Variants in GPHN observed in about 807,000 individuals in gnomAD.
GPHN encodes gephyrin.
A neutral mutation model predicts 95.5 loss-of-function variants in GPHN; 17 were observed. The observed-to-expected ratio is 0.18, with a 90% CI of 0.12 to 0.27. The LOEUF is 0.27. Ranked by LOEUF, GPHN falls within the 10% of genes least tolerant of loss-of-function variation. The probability of loss-of-function intolerance (pLI) is 1.00; values close to 1 mark genes in which losing one functional copy is unlikely to be tolerated. For synonymous variants in GPHN, 320 were observed against 322.5 expected (o/e 0.99, Z 0.08); for missense variants, 660 against 978.1 (o/e 0.67, Z 4.34).
chr14:66,801,985 C>T (rs1428851059), intron 3 of GPHN, among the ~76,000 whole-genome samples: 3 of 152,162 alleles, frequency 2.0e-5, no homozygotes, highest in African/African-American at 7.2e-5. Context: ...TGTGTTCACT[C>T]AAAGTCCTGC....
At chr14:67,365,343 A>T in the GPHN span, among the ~76,000 whole-genome samples, 2 of 152,248 alleles carry the variant, frequency 1.3e-5, no homozygotes, top group African/African-American at 4.8e-5. Flanking sequence ...AGGCCTGAAT[A>T]TGTTGGATGC....
chr14:67,668,339 T>C, the GPHN span, among the ~76,000 whole-genome samples: 1 of 152,312 alleles, frequency 6.6e-6, no homozygotes, highest in South Asian at 2.1e-4. Flanking sequence ...TTTAATGAAA[T>C]ATTAAATGGA....
chr14:67,558,316 G>A, the GPHN span, among the ~76,000 whole-genome samples: 3 of 152,148 alleles, frequency 2.0e-5, no homozygotes, highest in Admixed American at 6.5e-5. Flanking sequence ...AGGAGAAGCC[G>A]ATCCTGGTGG....
intron 1 of GPHN, among the ~76,000 whole-genome samples, chr14:66,552,504 C>T (rs1364712578): frequency 6.6e-6 from 1 of 152,000 alleles, no homozygotes; most frequent in Admixed American, 6.5e-5. Flanking sequence ...ATTTATTTAC[C>T]ATTTCTGAAG....
At chr14:67,584,366 C>A in the GPHN span, among the ~76,000 whole-genome samples, 6 of 151,988 alleles carry the variant, frequency 3.9e-5, no homozygotes, top group Non-Finnish European at 5.9e-5. Flanking sequence ...TTCACACACA[C>A]AAAGATTCAG....
the GPHN span, among the ~76,000 whole-genome samples, chr14:67,231,986 A>G: frequency 6.6e-6 from 1 of 151,520 alleles, no homozygotes; most frequent in Non-Finnish European, 1.5e-5. Flanking sequence ...AAAAAAAAAA[A>G]TTAACATGAT....
chr14:67,281,733 T>C, the GPHN span, among the ~76,000 whole-genome samples: 1 of 152,160 alleles, frequency 6.6e-6, no homozygotes, highest in African/African-American at 2.4e-5. Context: ...CCGGATTCAC[T>C]TAGTAAGAGA....
the GPHN span, among the ~76,000 whole-genome samples, chr14:67,382,131 C>A: frequency 0.03 from 4,601 of 151,982 alleles, 87 homozygotes; most frequent in Non-Finnish European, 0.036. Flanking sequence ...ACAAATTATC[C>A]ATTATACTGA....
At chr14:67,600,238 C>G in the GPHN span, 1 of 1,507,430 alleles carries the variant, frequency 6.6e-7, no homozygotes, top group South Asian at 1.3e-5. Flanking sequence ...CCGCGCGGCG[C>G]TGCACTGCGC....
At chr14:67,674,086 C>T in the GPHN span, among the ~76,000 whole-genome samples, 1 of 152,254 alleles carries the variant, frequency 6.6e-6, no homozygotes, top group Non-Finnish European at 1.5e-5. Context: ...ACCCACTCTA[C>T]ATTACAGGAC....
chr14:66,878,338 A>C (rs1202433966), intron 4 of GPHN, among the ~76,000 whole-genome samples: 1 of 152,152 alleles, frequency 6.6e-6, no homozygotes, highest in African/African-American at 2.4e-5. Flanking sequence ...ACAAAAAGCA[A>C]TTGCAACAAA....
At chr14:67,692,868 G>T in the GPHN span, 1 of 1,139,514 alleles carries the variant, frequency 8.8e-7, no homozygotes, top group Non-Finnish European at 1.3e-6. Flanking sequence ...CAATGAGAAT[G>T]AATCATCATT....
At chr14:67,198,414 G>C in the GPHN span, 1 of 1,216,424 alleles carries the variant, frequency 8.2e-7, no homozygotes, top group South Asian at 1.4e-5. Flanking sequence ...TGTTTTAAAT[G>C]TGCCGAGGGA....
rs1237791469 is a variant in GPHN at position 67,144,318 on chromosome 14, C to G, written c.1836+869C>G. Among the ~76,000 whole-genome samples, 5 of 128,368 alleles carry G rather than the reference C, an allele frequency of 3.9e-5. No homozygotes were observed. In the Admixed American group the frequency reaches 4.3e-4, roughly 11 times the overall value. 84.2% of individuals were successfully genotyped at this position (128,368 alleles called of 152,430 possible). The stretch of plus-strand genomic sequence containing the variant: ...ACACATACACAAATATTTTATAGGA[C>G]TAAGTGTATTTGTAGATGGTATATA... On this transcript the variant is annotated intron_variant, in intron 18 of 22. Transcript: ENST00000478722.
the GPHN span, among the ~76,000 whole-genome samples, chr14:67,596,076 A>G: frequency 1.3e-5 from 2 of 152,018 alleles, no homozygotes; most frequent in East Asian, 1.9e-4. Flanking sequence ...GTGTTTTCCT[A>G]TTGGTGTGTG....
the GPHN span, among the ~76,000 whole-genome samples, chr14:67,534,557 G>A: frequency 1.3e-5 from 2 of 152,084 alleles, no homozygotes; most frequent in African/African-American, 4.8e-5. Context: ...AAGTGGAAGA[G>A]CCATAACTGA....
At chr14:67,136,925 G>C (rs747143091) in intron 17 of GPHN, among the ~76,000 whole-genome samples, 1 of 152,068 alleles carries the variant, frequency 6.6e-6, no homozygotes, top group Non-Finnish European at 1.5e-5. Flanking sequence ...AGTGGCTCAT[G>C]CCTATAATCC....
the GPHN span, chr14:67,292,737 C>T: frequency 1.3e-6 from 2 of 1,591,410 alleles, no homozygotes; most frequent in Non-Finnish European, 1.7e-6. Flanking sequence ...TTCTAAACAT[C>T]TTGTTGATGT....
intron 16 of GPHN, 57 bp from the exon 17 acceptor site, chr14:67,122,199 A>G: frequency 6.3e-7 from 1 of 1,579,800 alleles, no homozygotes; most frequent in Non-Finnish European, 8.7e-7. Flanking sequence ...TTTTTTCATT[A>G]GAAATATGCA....
Sources: gnomAD v4.1 joint callset for allele counts (sites outside exome capture counted in the v4.1 genomes callset) on GRCh38, gnomAD v4.1.1 for gene constraint, MANE v1.5 for transcripts, NCBI Gene and HGNC (gene_info 2026-07-23, HGNC 2026-07-21) for gene names.